MTUS1: variants seen among roughly 807,000 people sequenced by gnomAD.
The protein encoded by MTUS1 is microtubule-associated tumor suppressor 1.
A neutral mutation model predicts 120.8 loss-of-function variants in MTUS1; 109 were observed. The ratio of observed to expected loss-of-function variants is 0.90; its 90% confidence interval spans 0.77 to 1.06. The LOEUF (loss-of-function observed/expected upper bound fraction) is 1.06, where lower values mean the gene tolerates loss of function less well. MTUS1 is among the 50% of genes least tolerant of loss of function. MTUS1 has a pLI of 0.00. For synonymous variants in MTUS1, 737 were observed against 550.5 expected (o/e 1.34, Z -4.74); for missense variants, 2,210 against 1,486.3 (o/e 1.49, Z -8.01).
intron 6 of MTUS1, among the ~76,000 whole-genome samples, chr8:17,705,228 C>T (rs915089972): frequency 2.6e-5 from 4 of 152,206 alleles, no homozygotes; most frequent in Non-Finnish European, 5.9e-5. Flanking sequence ...AAGCAATCCA[C>T]CTGTCTTGGC....
chr8:17,734,510 C>T (rs1423852298), intron 3 of MTUS1, among the ~76,000 whole-genome samples: 2 of 152,034 alleles, frequency 1.3e-5, no homozygotes, highest in African/African-American at 2.4e-5. Context: ...TCCACAGAAG[C>T]GCAGCATTCT....
At chr8:17,791,263 TATC>T (rs2051759935) in intron 1 of MTUS1, among the ~76,000 whole-genome samples, 1 of 152,234 alleles carries the variant, frequency 6.6e-6, no homozygotes, top group African/African-American at 2.4e-5. Context: ...CAGTTCTTAA[TATC>T]ATATTTACAA....
At chr8:17,666,763 A>G (rs1563165054) in intron 8 of MTUS1, among the ~76,000 whole-genome samples, 1 of 152,128 alleles carries the variant, frequency 6.6e-6, no homozygotes, top group Admixed American at 6.6e-5. Context: ...TCAACACAAC[A>G]TCTTTTTAGA....
chr8:17,651,877 C>A (rs780064878), intron 12 of MTUS1: 1 of 152,054 alleles, frequency 6.6e-6, no homozygotes, highest in Non-Finnish European at 1.5e-5. Flanking sequence ...AGTTTATACC[C>A]TGCATATCCC....
At chr8:17,769,742 T>C (rs1043060338) in intron 1 of MTUS1, among the ~76,000 whole-genome samples, 1 of 152,058 alleles carries the variant, frequency 6.6e-6, no homozygotes, top group African/African-American at 2.4e-5. Flanking sequence ...AATAACAAAG[T>C]TGTGTTTCCC....
intron 8 of MTUS1, among the ~76,000 whole-genome samples, chr8:17,670,892 CA>C (rs1027489912): frequency 2.0e-5 from 3 of 151,836 alleles, no homozygotes; most frequent in Non-Finnish European, 4.4e-5. Context: ...AAGCCAGAGA[CA>C]AAAAACAGCA....
At chr8:17,792,962 T>C (rs749190845) in intron 1 of MTUS1, among the ~76,000 whole-genome samples, 18 of 152,242 alleles carry the variant, frequency 1.2e-4, no homozygotes, top group African/African-American at 4.8e-5. Flanking sequence ...TAGAGAACTA[T>C]TGAAAAGTTT....
intron 1 of MTUS1, among the ~76,000 whole-genome samples, chr8:17,774,896 A>C (rs543957159): frequency 1.3e-4 from 20 of 151,168 alleles, no homozygotes; most frequent in African/African-American, 4.6e-4. Flanking sequence ...ATACAGTGGA[A>C]TATTATTCAG....
At chr8:17,763,776 T>C (rs893064922) in intron 1 of MTUS1, among the ~76,000 whole-genome samples, 2 of 152,202 alleles carry the variant, frequency 1.3e-5, no homozygotes, top group Non-Finnish European at 2.9e-5. Flanking sequence ...ACAGATATTA[T>C]GTTTCTATGT....
intron 2 of MTUS1, 115 bp downstream of exon 2, chr8:17,753,602 A>T (rs2048356120): frequency 1.4e-6 from 1 of 693,318 alleles, no homozygotes; most frequent in South Asian, 2.3e-5. Flanking sequence ...ACTAAATGTA[A>T]ATCTGCCCAC....
intron 8 of MTUS1, among the ~76,000 whole-genome samples, chr8:17,656,936 G>A (rs532756128): frequency 6.6e-6 from 1 of 151,470 alleles, no homozygotes; most frequent in East Asian, 2.0e-4. Flanking sequence ...GTGGGCGCCT[G>A]TAGTCCCAGC....
In MTUS1 at chr8:17,702,904, GA is replaced by G. The variant is rs541014049; in HGVS notation, c.2623+10309del. On this transcript the variant is annotated intron_variant, in intron 6 of 14. Coordinates refer to ENST00000693296, the MANE Select transcript of MTUS1 (RefSeq NM_001363059.2). ...AAACATAAATTGTGACGATTTCATG[GA>G]CATTTATCACTTCTCTAAAAATACT... 2.0e-3 allele frequency among the ~76,000 whole-genome samples: 308 copies of G among 152,260 alleles called. 2 individuals are homozygous for G. Among genetic ancestry groups the G allele is most frequent in the Non-Finnish European group, 3.0e-3 (203 of 68,026 alleles).
intron 1 of MTUS1, among the ~76,000 whole-genome samples, chr8:17,766,771 T>C (rs148522572): frequency 9.1e-4 from 138 of 152,340 alleles, no homozygotes; most frequent in Middle Eastern, 3.4e-3. Flanking sequence ...AGTTAATGGA[T>C]GTTAAAATTT....
chr8:17,713,797 T>A (rs1821797175), intron 5 of MTUS1, among the ~76,000 whole-genome samples: 1 of 152,178 alleles, frequency 6.6e-6, no homozygotes, highest in South Asian at 2.1e-4. Flanking sequence ...ATGAAATAGT[T>A]GTTTCTAGGA....
chr8:17,645,713 CT>C lies in MTUS1; in HGVS notation c.*212del. On this transcript the variant is annotated 3_prime_UTR_variant, in exon 15 of 15. Transcript: ENST00000693296. ...TCGATGCCGAAATCTTTTTTTAAAT[CT>C]TTTTTTGGAGGAATCTTTTGGACGG... The C allele has an allele frequency of 5.5e-6, 3 of 548,876 alleles. No homozygotes were observed. Among genetic ancestry groups the C allele is most frequent in the Non-Finnish European group, 5.9e-6 (2 of 338,620 alleles). The allele number at this position is 548,876 out of a possible 1,614,324, so 34.0% of individuals were successfully genotyped here.
chr8:17,789,834 G>A (rs2051623220), intron 1 of MTUS1, among the ~76,000 whole-genome samples: 1 of 152,112 alleles, frequency 6.6e-6, no homozygotes, highest in African/African-American at 2.4e-5. Flanking sequence ...TTCCTTAGAA[G>A]ACAATTTGGA....
intron 2 of MTUS1, among the ~76,000 whole-genome samples, chr8:17,750,771 AT>A (rs1176226126): frequency 6.6e-6 from 1 of 152,228 alleles, no homozygotes; most frequent in Non-Finnish European, 1.5e-5. Flanking sequence ...CTGAATAAAT[AT>A]CAATTCCTTT....
chr8:17,686,511 A>C (rs1049087763), intron 6 of MTUS1, among the ~76,000 whole-genome samples: 4 of 152,198 alleles, frequency 2.6e-5, no homozygotes, highest in African/African-American at 9.6e-5. Flanking sequence ...TATCATTTGT[A>C]TATGTCCTAC....
intron 1 of MTUS1, among the ~76,000 whole-genome samples, chr8:17,773,472 C>G (rs2050165524): frequency 6.6e-6 from 1 of 152,184 alleles, no homozygotes; most frequent in African/African-American, 2.4e-5. Flanking sequence ...TTTTCTGTTG[C>G]TACACCATAG....
Sources: allele counts gnomAD v4.1 joint callset (sites outside exome capture counted in the v4.1 genomes callset), GRCh38; gene constraint gnomAD v4.1.1; transcripts MANE v1.5; gene names NCBI Gene and HGNC (gene_info 2026-07-23, HGNC 2026-07-21).